RMDN3: variants seen among roughly 807,000 people sequenced by gnomAD.
RMDN3 encodes the protein regulator of microtubule dynamics protein 3.
RMDN3 carries 41 observed loss-of-function variants against 61.8 expected under a neutral mutation model. That is an observed-to-expected ratio of 0.66 (90% CI 0.52 to 0.86). RMDN3 has a LOEUF of 0.86. Ranked by LOEUF, RMDN3 falls within the 40% of genes least tolerant of loss-of-function variation. The pLI, the probability that RMDN3 is intolerant of heterozygous loss-of-function variation, is 0.00. For synonymous variants in RMDN3, 247 were observed against 232.0 expected, an observed-to-expected ratio of 1.06 and a Z score of -0.59; for missense variants, 557 against 585.3, an observed-to-expected ratio of 0.95 and a Z score of 0.50.
At chr15:40,752,637 C>T (rs564760260) in intron 2 of RMDN3, among the ~76,000 whole-genome samples, 6 of 152,256 alleles carry the variant, frequency 3.9e-5, no homozygotes, top group Non-Finnish European at 7.4e-5. Context: ...CTTGGAGTTT[C>T]TCCCAGAACT....
chr15:40,741,339 CT>C (rs1234651660), intron 6 of RMDN3, among the ~76,000 whole-genome samples: 1 of 151,562 alleles, frequency 6.6e-6, no homozygotes, highest in Non-Finnish European at 1.5e-5. Flanking sequence ...GACCCCATCT[CT>C]TTAAAAAAAA....
chr15:40,743,448 A>C (rs1378295283), intron 6 of RMDN3, among the ~76,000 whole-genome samples: 1 of 151,778 alleles, frequency 6.6e-6, no homozygotes, highest in Non-Finnish European at 1.5e-5. Flanking sequence ...TATTAACTGA[A>C]CCACAGACCT....
At chr15:40,738,164 ATCACCTGAGG>A in intron 8 of RMDN3, 122 bp from the exon 9 acceptor site, 1 of 998,456 alleles carries the variant, frequency 1.0e-6, no homozygotes, top group Non-Finnish European at 1.6e-6. Flanking sequence ...AGGCAGGTGG[ATCACCTGAGG>A]TCAGGAGTTC....
chr15:40,751,720 G>A (rs761264754), intron 3 of RMDN3, 151 bp from the exon 4 acceptor site: 2 of 1,211,690 alleles, frequency 1.7e-6, no homozygotes, highest in African/African-American at 1.5e-5. Context: ...GGGCAAGCAG[G>A]GCAGCTTCCT....
chr15:40,738,793 C>CAAAGT (rs1897167492), intron 7 of RMDN3: 4 of 581,082 alleles, frequency 6.9e-6, no homozygotes, highest in Non-Finnish European at 1.2e-5. Flanking sequence ...TACAAGTCTC[C>CAAAGT]AAAGTATTCT....
chr15:40,753,703 C>T (rs1047617883), intron 2 of RMDN3, among the ~76,000 whole-genome samples: 8 of 152,178 alleles, frequency 5.3e-5, no homozygotes, highest in Non-Finnish European at 1.2e-4. Flanking sequence ...GTGCTCCTAG[C>T]CCTATGCCGT....
At chr15:40,754,483 G>GA (rs1399057359) in intron 2 of RMDN3, 114 bp downstream of exon 2, 1 of 1,088,606 alleles carries the variant, frequency 9.2e-7, no homozygotes, top group Admixed American at 3.3e-5. Flanking sequence ...CCAAAAAAGT[G>GA]AAACCCTAAA....
chr15:40,754,584 G>T lies in RMDN3; in HGVS notation c.187+13C>A. ...GTCTGCAGTGACCGCGGTCTCAGGA[G>T]ACGGGCTCCTACCGTGGCGTCCGGG... On this transcript the variant is annotated intron_variant, in intron 2 of 12. Coordinates refer to ENST00000338376, the MANE Select transcript of RMDN3 (RefSeq NM_018145.3). 1 of 1,605,190 alleles carries T rather than the reference G, an allele frequency of 6.2e-7. No individual in the cohort carries two copies. Among genetic ancestry groups the T allele is most frequent in the South Asian group, 1.1e-5 (1 of 90,018 alleles).
In RMDN3 at chr15:40,737,681, G is replaced by A; in HGVS notation, c.1171C>T (p.Leu391Phe). The A allele has an allele frequency of 1.2e-6, 2 of 1,614,182 alleles. No individual in the cohort carries two copies. The highest frequency in any genetic ancestry group is 2.2e-5 in the East Asian group (1 of 44,886). Reference sequence around the variant, plus strand: ...ACAGTGGCACTGAGAGGGCTTTCAAGCAAGGCTGTAGCAGTTTTTTTTTCT... The same window carrying A: ...ACAGTGGCACTGAGAGGGCTTTCAAACAAGGCTGTAGCAGTTTTTTTTTCT... Reference protein sequence around the residue: ...WLEKKTATALLESPLSATVED... With the variant: ...WLEKKTATALFESPLSATVED... The change falls in exon 10 of 13, where the codon CTT (leucine) becomes TTT (phenylalanine). Residue 391 changes from leucine to phenylalanine, a missense_variant. Coordinates refer to ENST00000338376, the MANE Select transcript of RMDN3 (RefSeq NM_018145.3).
At position 40,751,581 on chromosome 15, in the gene RMDN3, G is replaced by T; in HGVS notation, c.381-12C>A. 1.9e-6 allele frequency: 3 copies of T among 1,614,070 alleles called. No individual in the cohort carries two copies. Among genetic ancestry groups the T allele is most frequent in the Non-Finnish European group, 2.5e-6 (3 of 1,180,030 alleles). On this transcript the variant is annotated splice_polypyrimidine_tract_variant and intron_variant, in intron 3 of 12. Transcript: ENST00000338376. ...CTTCCATGTGGCATCTGGAAAGCAG[G>T]CCCCATCCCGAAGGGTACCATTAGG...
At position 40,753,504 on chromosome 15, in the gene RMDN3, C is replaced by T. The variant is rs545311087; in HGVS notation, c.187+1093G>A. On this transcript the variant is annotated intron_variant, in intron 2 of 12. Coordinates refer to ENST00000338376, the MANE Select transcript of RMDN3 (RefSeq NM_018145.3). ...CTCCAGCCTGGGCAACAGAGCGAGACTCCATCTCAAAAAAAAGAAAAGAAA... is the reference window on the plus strand; with the variant it reads ...CTCCAGCCTGGGCAACAGAGCGAGATTCCATCTCAAAAAAAAGAAAAGAAA... 4.9e-4 allele frequency among the ~76,000 whole-genome samples: 75 copies of T among 151,788 alleles called. 1 individual carries two copies. The South Asian group carries it at 0.011, about 23-fold the overall frequency.
chr15:40,744,589 G>A (rs561854476), intron 5 of RMDN3, among the ~76,000 whole-genome samples: 19 of 151,898 alleles, frequency 1.3e-4, no homozygotes, highest in Non-Finnish European at 2.6e-4. Flanking sequence ...CACAGTTGTC[G>A]CTTGTAATGG....
chr15:40,737,526 C>T (rs1377221152), intron 10 of RMDN3, 102 bp downstream of exon 10: 3 of 1,206,508 alleles, frequency 2.5e-6, no homozygotes, highest in East Asian at 2.3e-5. Context: ...CACAAAATTG[C>T]CCCCGACTAG....
At chr15:40,740,379 CTG>C (rs754303585) in intron 6 of RMDN3, among the ~76,000 whole-genome samples, 186 bp from the exon 7 acceptor site, 6 of 152,236 alleles carry the variant, frequency 3.9e-5, no homozygotes, top group Non-Finnish European at 7.3e-5. Context: ...GCTCACGCCT[CTG>C]TGCTGTGTAA....
At chr15:40,748,029 T>C (rs770404010) in intron 4 of RMDN3, among the ~76,000 whole-genome samples, 2 of 152,176 alleles carry the variant, frequency 1.3e-5, no homozygotes, top group African/African-American at 4.8e-5. Flanking sequence ...TAGGGCAAGT[T>C]GGGTTCTGAC....
At chr15:40,739,782 AAAG>A (rs1216193383) in intron 7 of RMDN3, 4 of 238,308 alleles carry the variant, frequency 1.7e-5, no homozygotes, top group African/African-American at 6.6e-5. Flanking sequence ...CACGCAGGGG[AAAG>A]AAGAGCTTAT....
At chr15:40,744,202 TG>T (rs1393962429) in intron 5 of RMDN3, 53 bp from the exon 6 acceptor site, 7 of 1,542,608 alleles carry the variant, frequency 4.5e-6, no homozygotes, top group African/African-American at 1.4e-5. Context: ...CTGTGGAGAA[TG>T]GGGGCCTTGG....
chr15:40,741,617 A>G (rs1897281710), intron 6 of RMDN3, among the ~76,000 whole-genome samples: 1 of 72,410 alleles, frequency 1.4e-5, no homozygotes, highest in Non-Finnish European at 3.0e-5. Context: ...ACTGCAACAT[A>G]GGATTTTTTT....
At chr15:40,749,790 T>G (rs1175079447) in intron 4 of RMDN3, among the ~76,000 whole-genome samples, 1 of 152,220 alleles carries the variant, frequency 6.6e-6, no homozygotes, top group African/African-American at 2.4e-5. Context: ...GAAGCATCTC[T>G]TGGCCCAGAG....
Sources: gnomAD v4.1 joint callset for allele counts (sites outside exome capture counted in the v4.1 genomes callset) on GRCh38, gnomAD v4.1.1 for gene constraint, MANE v1.5 for transcripts, NCBI Gene and HGNC (gene_info 2026-07-23, HGNC 2026-07-21) for gene names.